Variants in STK32C observed in about 807,000 individuals in gnomAD.
STK32C encodes the protein serine/threonine-protein kinase 32C.
Under a neutral mutation model 56.5 loss-of-function variants are expected in STK32C, and 31 were observed. The observed-to-expected ratio is 0.55, with a 90% CI of 0.41 to 0.74. The LOEUF is 0.74. Among genes scored for constraint, STK32C ranks in the 30% least tolerant of loss-of-function variants. The pLI is 0.00. For missense variants in STK32C, 544 were observed against 676.9 expected (o/e 0.80, Z 2.18); for synonymous variants, 309 against 289.4 (o/e 1.07, Z -0.69).
chr10:132,263,959 T>A (rs533832991), intron 1 of STK32C, among the ~76,000 whole-genome samples: 1 of 150,368 alleles, frequency 6.7e-6, no homozygotes, highest in East Asian at 2.0e-4. Flanking sequence ...GACAGAAACA[T>A]AGCGCCAGGT....
intron 1 of STK32C, among the ~76,000 whole-genome samples, chr10:132,328,852 C>T (rs1439092869): frequency 2.6e-5 from 4 of 152,256 alleles, no homozygotes; most frequent in Non-Finnish European, 1.5e-5. Flanking sequence ...TTGCTGGCTC[C>T]AGGACTGGAT....
rs115135437 is a variant in STK32C at position 132,266,937 on chromosome 10, C to G, written c.263-20982G>C. On this transcript the variant is annotated intron_variant, in intron 1 of 11. Coordinates refer to ENST00000298630, the MANE Select transcript of STK32C (RefSeq NM_173575.4). The stretch of plus-strand genomic sequence containing the variant: ...TGGACACTGGGGGTGGGGAGGGCTG[C>G]GCGGACGAGGCCGCAGAGGAACTGC... Among the ~76,000 whole-genome samples the G allele has an allele frequency of 9.5e-3, 1,443 of 152,156 alleles. 26 individuals carry two copies. The highest frequency in any genetic ancestry group is 0.032 in the African/African-American group (1,345 of 41,496).
At chr10:132,249,956 A>T (rs991523396) in intron 1 of STK32C, among the ~76,000 whole-genome samples, 2 of 152,244 alleles carry the variant, frequency 1.3e-5, no homozygotes, top group East Asian at 3.8e-4. Flanking sequence ...GGAGGAGATA[A>T]GGAAAAGGAA....
chr10:132,315,117 A>G (rs1231211965), intron 1 of STK32C, among the ~76,000 whole-genome samples: 1 of 152,196 alleles, frequency 6.6e-6, no homozygotes, highest in African/African-American at 2.4e-5. Context: ...CTGGGCAACA[A>G]GAGCGAAATT....
chr10:132,244,677 C>T (rs993611152), intron 2 of STK32C, among the ~76,000 whole-genome samples: 1 of 152,236 alleles, frequency 6.6e-6, no homozygotes, highest in African/African-American at 2.4e-5. Flanking sequence ...CCCTAAGCCA[C>T]CTCTCCTGAA....
intron 1 of STK32C, among the ~76,000 whole-genome samples, chr10:132,295,082 C>A (rs1193837372): frequency 6.6e-6 from 1 of 152,102 alleles, no homozygotes; most frequent in Non-Finnish European, 1.5e-5. Flanking sequence ...AATTCACACG[C>A]CCACCGGCAG....
chr10:132,316,228 A>G (rs1235682647), intron 1 of STK32C, among the ~76,000 whole-genome samples: 2 of 152,218 alleles, frequency 1.3e-5, no homozygotes, highest in Non-Finnish European at 2.9e-5. Flanking sequence ...AAAATAAATT[A>G]CATACCTTAA....
chr10:132,237,145 GCCCACTCCTGCCCCTGGGCT>G (rs913025928), intron 2 of STK32C, among the ~76,000 whole-genome samples: 4 of 152,170 alleles, frequency 2.6e-5, no homozygotes, highest in African/African-American at 9.7e-5. Context: ...CATTTTAAAT[GCCCACTCCTGCCCCTGGGCT>G]CCCACTCCCT....
chr10:132,308,354 G>T (rs534802715), upstream of STK32C, among the ~76,000 whole-genome samples: 88 of 152,286 alleles, frequency 5.8e-4, no homozygotes, highest in African/African-American at 1.9e-3. Context: ...GGACCTTCTC[G>T]CGGTCTCCGG....
At chr10:132,299,223 C>A (rs1304734496) in intron 1 of STK32C, among the ~76,000 whole-genome samples, 3 of 146,798 alleles carry the variant, frequency 2.0e-5, no homozygotes, top group Admixed American at 6.7e-5. Flanking sequence ...ACCAGCAGAA[C>A]TGAGACCCCA....
intron 10 of STK32C, among the ~76,000 whole-genome samples, chr10:132,220,757 G>C (rs2062611757): frequency 6.6e-6 from 1 of 152,144 alleles, no homozygotes; most frequent in South Asian, 2.1e-4. Context: ...TCACACTCTG[G>C]GGAGACCCAG....
intron 10 of STK32C, among the ~76,000 whole-genome samples, chr10:132,222,221 C>T (rs1300413626): frequency 6.9e-6 from 1 of 144,854 alleles, no homozygotes; most frequent in African/African-American, 2.6e-5. Context: ...TTCACATGGC[C>T]GTCCCCACAC....
intron 4 of STK32C, among the ~76,000 whole-genome samples, chr10:132,226,167 T>A (rs10870272): frequency 0.1 from 15,467 of 152,258 alleles, 1,083 homozygotes; most frequent in African/African-American, 0.2. Context: ...ACACAGCCAG[T>A]GCTCAGTGAC....
At chr10:132,217,466 A>G (rs923175374) in intron 10 of STK32C, among the ~76,000 whole-genome samples, 1 of 152,150 alleles carries the variant, frequency 6.6e-6, no homozygotes, top group Non-Finnish European at 1.5e-5. Flanking sequence ...TGGACTTTTG[A>G]GTTAATGCCA....
intron 10 of STK32C, among the ~76,000 whole-genome samples, chr10:132,216,894 G>T (rs1333269061): frequency 2.0e-5 from 3 of 152,250 alleles, no homozygotes; most frequent in African/African-American, 7.2e-5. Context: ...ACACCTGGAT[G>T]TCCAGGCAGA....
chr10:132,250,156 G>A (rs1373182756), intron 1 of STK32C, among the ~76,000 whole-genome samples: 2 of 152,262 alleles, frequency 1.3e-5, no homozygotes, highest in African/African-American at 4.8e-5. Flanking sequence ...CACCGGGGGA[G>A]GGAAGGGGCT....
intron 1 of STK32C, among the ~76,000 whole-genome samples, chr10:132,275,450 C>T (rs2064965913): frequency 6.6e-6 from 1 of 152,212 alleles, no homozygotes; most frequent in African/African-American, 2.4e-5. Flanking sequence ...GTGCCATGGA[C>T]GTAGGATGAG....
At chr10:132,249,556 G>A (rs1262233274) in intron 1 of STK32C, among the ~76,000 whole-genome samples, 1 of 152,126 alleles carries the variant, frequency 6.6e-6, no homozygotes, top group Admixed American at 6.5e-5. Context: ...CCTGCTCAAG[G>A]ACCTGTTGGC....
chr10:132,303,585 C>G (rs1242040985), intron 1 of STK32C, among the ~76,000 whole-genome samples: 1 of 152,198 alleles, frequency 6.6e-6, no homozygotes, highest in Non-Finnish European at 1.5e-5. Context: ...TCCCACAGGA[C>G]ACATGCCGCT....
Sources: gnomAD v4.1 joint callset for allele counts (sites outside exome capture counted in the v4.1 genomes callset) on GRCh38, gnomAD v4.1.1 for gene constraint, MANE v1.5 for transcripts, NCBI Gene and HGNC (gene_info 2026-07-23, HGNC 2026-07-21) for gene names.